Variants in DIP2C observed in about 807,000 individuals in gnomAD.
DIP2C encodes disco-interacting protein 2 homolog C.
DIP2C carries 33 observed loss-of-function variants against 192.4 expected under a neutral mutation model. The ratio of observed to expected loss-of-function variants is 0.17; its 90% CI spans 0.13 to 0.23. The LOEUF (loss-of-function observed/expected upper bound fraction) is 0.23. Among genes scored for constraint, DIP2C ranks in the 10% least tolerant of loss-of-function variants. DIP2C has a pLI of 1.00. For synonymous variants in DIP2C, 979 were observed against 864.1 expected, an observed-to-expected ratio of 1.13 and a Z score of -2.33; for missense variants, 1,537 against 2,110.1, an observed-to-expected ratio of 0.73 and a Z score of 5.32.
chr10:593,247 G>A (rs115335845), intron 1 of DIP2C, among the ~76,000 whole-genome samples: 78 of 152,180 alleles, frequency 5.1e-4, no homozygotes, highest in African/African-American at 1.6e-3. Context: ...ATCGTCATCT[G>A]GGGCTCAGCT....
Position 486,469 on chromosome 10 carries a change from C to T in DIP2C, c.147G>A (p.Pro49=), listed in dbSNP as rs751892803. The T allele has an allele frequency of 1.6e-5, 26 of 1,599,076 alleles. No individual in the cohort carries two copies. Among genetic ancestry groups the T allele is most frequent in the South Asian group, 7.9e-5 (7 of 88,364 alleles). Residue 49 remains proline, a synonymous_variant, in exon 2 of 37, where the codon CCG becomes CCA. Coordinates refer to ENST00000280886, the MANE Select transcript of DIP2C (RefSeq NM_014974.3). ...KRSKLIGAYL[P]QPPRVDQALP... is the part of the protein sequence containing the mutation. ...ATGGGGGTTACCTACTCGGAGGCTG[C>T]GGAAGGTAGGCTCCAATTAACTTTG...
Position 501,444 on chromosome 10 carries a change from T to C in DIP2C, c.86-14914A>G, listed in dbSNP as rs562544835. Among the ~76,000 whole-genome samples the C allele has an allele frequency of 2.1e-3, 323 of 152,294 alleles. 2 individuals are homozygous for C. The highest frequency in any genetic ancestry group is 3.0e-3 in the Non-Finnish European group (206 of 68,028). On this transcript the variant is annotated intron_variant, in intron 1 of 36. Transcript: ENST00000280886. Reference sequence around the variant, plus strand: ...TACCAACTTTTATGAAACAAACCTGTTTATGTAAGCACATATGTATTCAAG... The same window carrying C: ...TACCAACTTTTATGAAACAAACCTGCTTATGTAAGCACATATGTATTCAAG...
intron 23 of DIP2C, 98 bp downstream of exon 23, chr10:357,730 T>G: frequency 1.2e-6 from 1 of 850,286 alleles, no homozygotes. Context: ...TCAGGGAAGG[T>G]AGGGGACAGT....
At chr10:370,783 T>A (rs1960861115) in intron 17 of DIP2C, among the ~76,000 whole-genome samples, 1 of 152,242 alleles carries the variant, frequency 6.6e-6, no homozygotes, top group African/African-American at 2.4e-5. Flanking sequence ...AGCTGGACTA[T>A]AAGTTAGCTG....
chr10:642,894 A>G (rs548328723), intron 1 of DIP2C, among the ~76,000 whole-genome samples: 21 of 152,266 alleles, frequency 1.4e-4, no homozygotes, highest in Non-Finnish European at 2.8e-4. Flanking sequence ...GATTAAAAAG[A>G]AAAAGAAGAT....
intron 36 of DIP2C, among the ~76,000 whole-genome samples, chr10:279,026 G>C (rs1467181116): frequency 6.6e-6 from 1 of 152,122 alleles, no homozygotes; most frequent in Non-Finnish European, 1.5e-5. Flanking sequence ...GAGTAAGTCA[G>C]TTAGGAAAAA....
Position 329,556 on chromosome 10 carries a change from C to T in DIP2C, c.3630G>A (p.Leu1210=). 6.2e-7 allele frequency: 1 copy of T among 1,614,176 alleles called. No individual in the cohort carries two copies. Among genetic ancestry groups the T allele is most frequent in the Non-Finnish European group, 8.5e-7 (1 of 1,180,034 alleles). ...HQSILIPPSE[L]ETNPALWLLA... ...GAAGCCACAAGGCGGGGTTGGTTTCCAGCTCAGAGGGCGGGATCAGGATGG... is the reference window on the plus strand; with the variant it reads ...GAAGCCACAAGGCGGGGTTGGTTTCTAGCTCAGAGGGCGGGATCAGGATGG... Residue 1210 remains leucine, a synonymous_variant, in exon 30 of 37, where the codon CTG becomes CTA. Coordinates refer to ENST00000280886, the MANE Select transcript of DIP2C (RefSeq NM_014974.3).
chr10:369,221 C>G (rs192290402), intron 18 of DIP2C, among the ~76,000 whole-genome samples: 76 of 152,270 alleles, frequency 5.0e-4, no homozygotes, highest in African/African-American at 1.7e-3. Context: ...CAGTGTGGAC[C>G]CTGCACTGGC....
intron 1 of DIP2C, among the ~76,000 whole-genome samples, chr10:562,839 G>A (rs1237716095): frequency 2.6e-5 from 4 of 152,194 alleles, no homozygotes; most frequent in African/African-American, 9.7e-5. Context: ...TCAAACAACA[G>A]TGCACAACCA....
intron 3 of DIP2C, among the ~76,000 whole-genome samples, chr10:456,720 T>TC (rs1422472493): frequency 6.6e-6 from 1 of 152,182 alleles, no homozygotes; most frequent in Non-Finnish European, 1.5e-5. Context: ...CCATCTGTGT[T>TC]CCCTCCCTTT....
In DIP2C at chr10:431,236, T is replaced by C. The variant is rs369716445; in HGVS notation, c.395-8203A>G. On this transcript the variant is annotated intron_variant, in intron 4 of 36. Transcript: ENST00000280886. ...AAACTTTTGAATCAGTGTGTTGATA[T>C]TGAAAAAAAAACTCGTTCGGATGTT... 7.2e-5 allele frequency among the ~76,000 whole-genome samples: 11 copies of C among 152,272 alleles called. No homozygotes were observed. The East Asian group carries it at 1.5e-3, about 21-fold the overall frequency.
intron 4 of DIP2C, among the ~76,000 whole-genome samples, chr10:424,064 T>C (rs1181948991): frequency 6.6e-6 from 1 of 152,222 alleles, no homozygotes; most frequent in African/African-American, 2.4e-5. Flanking sequence ...AATAAATTGT[T>C]GGTGTATTTG....
intron 1 of DIP2C, among the ~76,000 whole-genome samples, chr10:506,717 T>C (rs1845615059): frequency 6.6e-6 from 1 of 152,180 alleles, no homozygotes; most frequent in Admixed American, 6.5e-5. Flanking sequence ...CAACATTCTA[T>C]TTGCCGGCCA....
In DIP2C at chr10:414,701, GTA is replaced by G. The variant is rs779214343; in HGVS notation, c.860-593_860-592del. Among the ~76,000 whole-genome samples the G allele has an allele frequency of 8.0e-3, 824 of 103,296 alleles. 8 individuals carry two copies. Among genetic ancestry groups the G allele is most frequent in the Non-Finnish European group, 0.012 (619 of 53,130 alleles). The allele number at this position is 103,296 out of a possible 152,430, so 67.8% of individuals were successfully genotyped here. Reference sequence around the variant, plus strand: ...CCACGCCCAGCTAATTTTAGAGTGTGTATGTATGTGTGTGTGTGTGTGTGTGT... The same window carrying G: ...CCACGCCCAGCTAATTTTAGAGTGTGTGTATGTGTGTGTGTGTGTGTGTGT... On this transcript the variant is annotated intron_variant, in intron 7 of 36. Transcript: ENST00000280886.
In DIP2C at chr10:344,782, G is replaced by GCCACCGC. The variant is rs766773174; in HGVS notation, c.3453+20_3453+26dup. The GCCACCGC allele has an allele frequency of 3.9e-6, 6 of 1,557,664 alleles. No individual in the cohort carries two copies. The South Asian group carries it at 7.1e-5, about 18-fold the overall frequency. Reference sequence around the variant, plus strand: ...AGCACGCTCCGCAGTTGCCTCCATGGCCACCGCCCGCAGCCACCCCCCTCA... The same window carrying GCCACCGC: ...AGCACGCTCCGCAGTTGCCTCCATGGCCACCGCCCACCGCCCGCAGCCACCCCCCTCA... On this transcript the variant is annotated intron_variant, in intron 28 of 36. Coordinates refer to ENST00000280886, the MANE Select transcript of DIP2C (RefSeq NM_014974.3).
At chr10:435,135 T>C (rs1355620215) in intron 4 of DIP2C, among the ~76,000 whole-genome samples, 3 of 152,220 alleles carry the variant, frequency 2.0e-5, no homozygotes, top group East Asian at 1.9e-4. Context: ...CTTTCTGTAG[T>C]CGTCCCATAG....
chr10:609,098 G>GT (rs1215939250), intron 1 of DIP2C, among the ~76,000 whole-genome samples: 2 of 151,836 alleles, frequency 1.3e-5, no homozygotes, highest in Non-Finnish European at 2.9e-5. Context: ...ACCACGTTTG[G>GT]TTTTTATGAC....
At chr10:281,427 G>GA in intron 35 of DIP2C, 104 bp from the exon 36 acceptor site, 1 of 1,446,596 alleles carries the variant, frequency 6.9e-7, no homozygotes, top group Non-Finnish European at 9.1e-7. Flanking sequence ...GTGAGACAGG[G>GA]ATGCAAAGGA....
chr10:457,652 T>C (rs1969410393), intron 3 of DIP2C, among the ~76,000 whole-genome samples: 3 of 152,128 alleles, frequency 2.0e-5, no homozygotes, highest in Admixed American at 1.3e-4. Context: ...AGCTCCTAGG[T>C]TGAAGTGATC....
Sources: allele counts gnomAD v4.1 joint callset (sites outside exome capture counted in the v4.1 genomes callset), GRCh38; gene constraint gnomAD v4.1.1; transcripts MANE v1.5; gene names NCBI Gene and HGNC (gene_info 2026-07-23, HGNC 2026-07-21).